The following SLMAP variants were observed in gnomAD, a reference collection of about 807,000 sequenced individuals.
The protein encoded by SLMAP is sarcolemmal membrane-associated protein.
In SLMAP, 44 loss-of-function variants were observed where a neutral mutation model predicts 128.8. That is an observed-to-expected ratio of 0.34 (90% CI 0.27 to 0.44). The LOEUF is 0.44. Ranked by LOEUF, SLMAP falls within the 20% of genes least tolerant of loss-of-function variation. The pLI is 1.00. For synonymous variants in SLMAP, 327 were observed against 348.8 expected, an observed-to-expected ratio of 0.94 and a Z score of 0.70; for missense variants, 787 against 985.3, an observed-to-expected ratio of 0.80 and a Z score of 2.69.
chr3:57,826,604 G>T (rs1039821948), intron 2 of SLMAP, among the ~76,000 whole-genome samples: 1 of 151,850 alleles, frequency 6.6e-6, no homozygotes, highest in Non-Finnish European at 1.5e-5. Context: ...CTTAATTTTG[G>T]TTCCACTCCC....
At chr3:57,771,491 A>G (rs534023226) in intron 2 of SLMAP, among the ~76,000 whole-genome samples, 78 of 152,156 alleles carry the variant, frequency 5.1e-4, no homozygotes, top group Non-Finnish European at 9.0e-4. Context: ...TTGCCTTCCC[A>G]AAGTGTTGGG....
At chr3:57,829,993 C>T (rs2093222956) in intron 2 of SLMAP, among the ~76,000 whole-genome samples, 1 of 152,188 alleles carries the variant, frequency 6.6e-6, no homozygotes, top group African/African-American at 2.4e-5. Flanking sequence ...ACCTGCATCT[C>T]ACTTTTTTCC....
intron 17 of SLMAP, chr3:57,901,813 C>G (rs139590544): frequency 6.6e-6 from 1 of 152,234 alleles, no homozygotes; most frequent in Non-Finnish European, 1.5e-5. Flanking sequence ...GGGCAGATCA[C>G]TTGAGGTCAG....
At chr3:57,764,376 CCTGAAAT>C (rs1390584446) in intron 2 of SLMAP, among the ~76,000 whole-genome samples, 1 of 151,952 alleles carries the variant, frequency 6.6e-6, no homozygotes, top group Non-Finnish European at 1.5e-5. Flanking sequence ...GTGGCATGAA[CCTGAAAT>C]CCCAGCTACT....
At position 57,906,310 on chromosome 3, in the gene SLMAP, CTTTTTTTTTT is replaced by C. The variant is rs999042505; in HGVS notation, c.1502-1561_1502-1552del. On this transcript the variant is annotated intron_variant, in intron 17 of 24. Coordinates refer to ENST00000671191, the MANE Select transcript of SLMAP (RefSeq NM_001377540.1). ...GAATCAAATTTTTTTCTTTTTTTTT[CTTTTTTTTTT>C]TTTTTTTTTTTTAGAGACACAGTCA... is the stretch of plus-strand genomic sequence containing the variant. Among the ~76,000 whole-genome samples, 132 of 47,034 alleles carry C rather than the reference CTTTTTTTTTT, an allele frequency of 2.8e-3. 2 individuals are homozygous for C. The highest frequency in any genetic ancestry group is 8.7e-3 in the African/African-American group (122 of 14,010). The allele number at this position is 47,034 out of a possible 152,430, so 30.9% of individuals were successfully genotyped here.
chr3:57,788,838 T>C (rs1195260639), intron 2 of SLMAP, among the ~76,000 whole-genome samples: 2 of 152,228 alleles, frequency 1.3e-5, no homozygotes, highest in Admixed American at 1.3e-4. Flanking sequence ...TCGCCGGCAG[T>C]TGGTTAAGAA....
chr3:57,858,227 A>G (rs772720732), intron 8 of SLMAP, 68 bp downstream of exon 8: 12 of 918,372 alleles, frequency 1.3e-5, no homozygotes, highest in East Asian at 4.8e-5. Flanking sequence ...TTCTTTGACT[A>G]TCATTTTGAG....
At chr3:57,801,804 A>G (rs2088489381) in intron 2 of SLMAP, among the ~76,000 whole-genome samples, 1 of 151,936 alleles carries the variant, frequency 6.6e-6, no homozygotes, top group Non-Finnish European at 1.5e-5. Flanking sequence ...ACTACTTTCC[A>G]GTAGTTTGTG....
intron 3 of SLMAP, among the ~76,000 whole-genome samples, chr3:57,834,237 G>A (rs1048403480): frequency 6.6e-6 from 1 of 152,166 alleles, no homozygotes; most frequent in East Asian, 1.9e-4. Context: ...CTGAAAAGGA[G>A]AAATAAAAGC....
intron 4 of SLMAP, among the ~76,000 whole-genome samples, chr3:57,846,676 C>A (rs2094272206): frequency 6.6e-6 from 1 of 151,612 alleles, no homozygotes; most frequent in Non-Finnish European, 1.5e-5. Context: ...TATGCTTCAG[C>A]CTCCTGAGGA....
At chr3:57,782,180 A>G (rs2083227234) in intron 2 of SLMAP, among the ~76,000 whole-genome samples, 1 of 152,194 alleles carries the variant, frequency 6.6e-6, no homozygotes, top group South Asian at 2.1e-4. Flanking sequence ...TTTTGGGGAT[A>G]CTATATCATT....
rs567555855 is a variant in SLMAP, at chr3:57,808,222, G to GT, written c.199-23153dup. 3.0e-4 allele frequency among the ~76,000 whole-genome samples: 46 copies of GT among 151,824 alleles called. No homozygotes were observed. The South Asian group carries it at 7.1e-3, about 23-fold the overall frequency. On this transcript the variant is annotated intron_variant, in intron 2 of 24. Transcript: ENST00000671191. ...CAAAAAATTAGCCCCTAGATTCATA[G>GT]TTTTTTTTGTAGGGTTTTTTGTGTC... is the stretch of plus-strand genomic sequence containing the variant.
chr3:57,906,310 C>CTTTTTCTTTTTTTTTTTTTTTT (rs2096549127), intron 17 of SLMAP, among the ~76,000 whole-genome samples: 3 of 47,048 alleles, frequency 6.4e-5, no homozygotes, highest in Non-Finnish European at 1.3e-4. Flanking sequence ...CTTTTTTTTT[C>CTTTTTCTTTTTTTTTTTTTTTT]TTTTTTTTTT....
chr3:57,778,652 A>G (rs549872014), intron 2 of SLMAP, among the ~76,000 whole-genome samples: 1 of 144,262 alleles, frequency 6.9e-6, no homozygotes, highest in African/African-American at 2.6e-5. Context: ...ATAGCTCACC[A>G]CAGCCTCAAA....
chr3:57,787,453 G>A (rs527736809), intron 2 of SLMAP, among the ~76,000 whole-genome samples: 128 of 152,240 alleles, frequency 8.4e-4, no homozygotes, highest in Non-Finnish European at 1.6e-3. Context: ...GAAATGACAT[G>A]AATTATGTAG....
rs935180109 is a variant in SLMAP, at chr3:57,908,942, T to C, written c.1625-134T>C. 5 of 620,598 alleles carry C rather than the reference T, an allele frequency of 8.1e-6. No individual in the cohort carries two copies. In the African/African-American group the frequency reaches 9.3e-5, roughly 11 times the overall value. 38.4% of individuals were successfully genotyped at this position (620,598 alleles called of 1,614,324 possible). On this transcript the variant is annotated intron_variant, in intron 18 of 24. Coordinates refer to ENST00000671191, the MANE Select transcript of SLMAP (RefSeq NM_001377540.1). ...TTAAACTAACTGCTAATACTGATAA[T>C]ACTTACTGCCTAACTTTTGTTTCTT...
At chr3:57,824,783 A>G (rs755728955) in intron 2 of SLMAP, among the ~76,000 whole-genome samples, 2 of 152,210 alleles carry the variant, frequency 1.3e-5, no homozygotes, top group Non-Finnish European at 2.9e-5. Context: ...CCATTTCTGC[A>G]GAAAAGGTGG....
intron 6 of SLMAP, among the ~76,000 whole-genome samples, chr3:57,853,960 TATATATATATATATATATA>T (rs2094614656): frequency 1.0e-4 from 6 of 59,798 alleles, no homozygotes; most frequent in Non-Finnish European, 1.5e-4. Context: ...AAAAATTATA[TATATATATATATATATATA>T]TATATATATA....
chr3:57,787,557 A>G (rs1453647727), intron 2 of SLMAP, among the ~76,000 whole-genome samples: 1 of 152,076 alleles, frequency 6.6e-6, no homozygotes, highest in East Asian at 1.9e-4. Context: ...GCTCACTGCA[A>G]CCTCTGCCTC....
Sources: gnomAD v4.1 joint callset for allele counts (sites outside exome capture counted in the v4.1 genomes callset) on GRCh38, gnomAD v4.1.1 for gene constraint, MANE v1.5 for transcripts, NCBI Gene and HGNC (gene_info 2026-07-23, HGNC 2026-07-21) for gene names.